IRS1: variants seen among roughly 807,000 people sequenced by gnomAD.
IRS1 encodes insulin receptor substrate 1.
A neutral mutation model predicts 65.6 loss-of-function variants in IRS1; 34 were observed. The observed-to-expected ratio is 0.52, with a 90% confidence interval of 0.39 to 0.69. IRS1 has a LOEUF of 0.69. Among genes scored for constraint, IRS1 ranks in the 30% least tolerant of loss-of-function variants. The pLI is 0.00. For synonymous variants in IRS1, 699 were observed against 683.5 expected, an observed-to-expected ratio of 1.02 and a Z score of -0.35; for missense variants, 1,641 against 1,720.2, an observed-to-expected ratio of 0.95 and a Z score of 0.81.
At chr2:226,773,878 A>G (rs1009814101) in intron 1 of IRS1, among the ~76,000 whole-genome samples, 5 of 152,206 alleles carry the variant, frequency 3.3e-5, no homozygotes, top group African/African-American at 1.2e-4. Flanking sequence ...AAGGTTCAAA[A>G]GTACTTGTTG....
chr2:226,798,063 C>T lies in IRS1; in HGVS notation c.676G>A (p.Gly226Ser). The T allele has an allele frequency of 6.2e-7, 1 of 1,614,070 alleles. No individual in the cohort carries two copies. Among genetic ancestry groups the T allele is most frequent in the South Asian group, 1.1e-5 (1 of 91,078 alleles). The change falls in exon 1 of 2, where the codon GGC becomes AGC. Residue 226 changes from glycine to serine, a missense_variant. Physicochemically the swap from Gly to Ser is moderately conservative, Grantham distance 56. Around this residue, in one of 3 missense-constraint regions of IRS1, gnomAD observed 77 missense variants for 129.6 expected, o/e 0.59. Coordinates refer to ENST00000305123, the MANE Select transcript of IRS1 (RefSeq NM_005544.3). The surrounding 1 kb of genome is among the most constrained non-coding windows in gnomAD (Gnocchi z 9.4). ...HSENFFFIEVGRSAVTGPGEF... is the reference protein window; with the variant it reads ...HSENFFFIEVSRSAVTGPGEF... ...CCGGGCCCCGTCACGGCAGAACGGC[C>T]CACCTCGATGAAGAAGAAGTTTTCC...
intron 1 of IRS1, among the ~76,000 whole-genome samples, chr2:226,781,511 A>G (rs1939381424): frequency 6.6e-6 from 1 of 152,150 alleles, no homozygotes; most frequent in South Asian, 2.1e-4. Context: ...ATTGGGTGGT[A>G]TGGGTTTTTG....
At chr2:226,741,718 T>C (rs527247627) in intron 1 of IRS1, among the ~76,000 whole-genome samples, 1 of 151,870 alleles carries the variant, frequency 6.6e-6, no homozygotes, top group South Asian at 2.1e-4. Context: ...TCTTCTAGAA[T>C]GCTTATTAAT....
chr2:226,798,761 C>T lies in IRS1; in HGVS notation c.-23G>A, dbSNP rs1176948741. The stretch of plus-strand genomic sequence containing the variant: ...CATGCTGCCACCGCCACCACCAACG[C>T]TGAGCAGAGGGAGGCTCCGAAAAAC... On this transcript the variant is annotated 5_prime_UTR_variant, in exon 1 of 2. Coordinates refer to ENST00000305123, the MANE Select transcript of IRS1 (RefSeq NM_005544.3). The surrounding 1 kb of genome is among the most constrained non-coding windows in gnomAD (Gnocchi z 9.4). The T allele has an allele frequency of 1.9e-6, 3 of 1,604,174 alleles. No individual in the cohort carries two copies. The highest frequency in any genetic ancestry group is 1.1e-5 in the South Asian group (1 of 90,346).
intron 1 of IRS1, among the ~76,000 whole-genome samples, chr2:226,788,119 G>A (rs1321638591): frequency 3.3e-5 from 5 of 152,070 alleles, no homozygotes; most frequent in Admixed American, 6.6e-5. Flanking sequence ...TGTCAGGGAG[G>A]ATCAGAGAAC....
chr2:226,741,545 A>G (rs912128135), intron 1 of IRS1, among the ~76,000 whole-genome samples: 17 of 152,104 alleles, frequency 1.1e-4, no homozygotes, highest in African/African-American at 4.1e-4. Context: ...GATTCTGACA[A>G]TGATGCCTGT....
intron 1 of IRS1, among the ~76,000 whole-genome samples, chr2:226,793,324 A>G (rs950395319): frequency 3.9e-5 from 6 of 152,322 alleles, no homozygotes; most frequent in Non-Finnish European, 7.3e-5. Context: ...TATTTTACCA[A>G]TGAGGCACTT....
At chr2:226,754,055 C>T (rs544295721) in intron 1 of IRS1, among the ~76,000 whole-genome samples, 57 of 152,232 alleles carry the variant, frequency 3.7e-4, no homozygotes, top group South Asian at 3.7e-3. Flanking sequence ...GGTCTCAGCA[C>T]GTTGGCTAGG....
chr2:226,744,824 A>G (rs1321534954), intron 1 of IRS1, among the ~76,000 whole-genome samples: 1 of 152,176 alleles, frequency 6.6e-6, no homozygotes, highest in Non-Finnish European at 1.5e-5. Flanking sequence ...GGAAGCCATC[A>G]TCTTACAGAA....
At chr2:226,773,384 G>T (rs1939199768) in intron 1 of IRS1, among the ~76,000 whole-genome samples, 1 of 152,078 alleles carries the variant, frequency 6.6e-6, no homozygotes, top group African/African-American at 2.4e-5. Context: ...AAGGGAAGGT[G>T]TTTGAAATAT....
intron 1 of IRS1, among the ~76,000 whole-genome samples, chr2:226,751,910 A>G (rs1938692810): frequency 6.6e-6 from 1 of 152,150 alleles, no homozygotes; most frequent in African/African-American, 2.4e-5. Context: ...TCCCAACTCC[A>G]CATCTTTATT....
intron 1 of IRS1, among the ~76,000 whole-genome samples, chr2:226,788,749 A>C (rs1336041564): frequency 6.6e-6 from 1 of 152,222 alleles, no homozygotes; most frequent in Non-Finnish European, 1.5e-5. Flanking sequence ...GTTTGAAATT[A>C]GTATGCAATT....
At chr2:226,749,844 A>T (rs1311407194) in intron 1 of IRS1, among the ~76,000 whole-genome samples, 1 of 152,200 alleles carries the variant, frequency 6.6e-6, no homozygotes, top group Non-Finnish European at 1.5e-5. Flanking sequence ...CTACCACGTG[A>T]CCAAGTCACC....
chr2:226,764,066 A>G (rs540077719), intron 1 of IRS1, among the ~76,000 whole-genome samples: 1 of 150,236 alleles, frequency 6.7e-6, no homozygotes, highest in Non-Finnish European at 1.5e-5. Flanking sequence ...ATCATGGATA[A>G]ACTTCAGCAG....
At position 226,734,632 on chromosome 2, in the gene IRS1, T is replaced by A. The variant is rs1212500983; in HGVS notation, c.*1640A>T. On this transcript the variant is annotated 3_prime_UTR_variant, in exon 2 of 2. Transcript: ENST00000305123. ...ATGTTGCTCCTCCCAATAGTAGGGATGCGAATTCCTGATAGAGAGATAGAG... is the reference window on the plus strand; with the variant it reads ...ATGTTGCTCCTCCCAATAGTAGGGAAGCGAATTCCTGATAGAGAGATAGAG... 6.6e-6 allele frequency: 1 copy of A among 152,190 alleles called. No individual in the cohort carries two copies. The highest frequency in any genetic ancestry group is 1.5e-5 in the Non-Finnish European group (1 of 68,036). 9.4% of individuals were successfully genotyped at this position (152,190 alleles called of 1,614,324 possible). A position where few individuals can be genotyped will look rare whatever the true frequency, so the allele number is the denominator to read the frequency against.
intron 1 of IRS1, among the ~76,000 whole-genome samples, chr2:226,759,094 G>C (rs1437759893): frequency 2.0e-5 from 3 of 152,194 alleles, no homozygotes; most frequent in African/African-American, 7.2e-5. Flanking sequence ...AACTGCCTGT[G>C]TCCGGGGCTG....
At position 226,734,563 on chromosome 2, in the gene IRS1, G is replaced by C. The variant is rs1054452695; in HGVS notation, c.*1709C>G. The C allele has an allele frequency of 6.6e-6, 1 of 152,140 alleles. No homozygotes were observed. Among genetic ancestry groups the C allele is most frequent in the African/African-American group, 2.4e-5 (1 of 41,416 alleles). The allele number at this position is 152,140 out of a possible 1,614,324, so 9.4% of individuals were successfully genotyped here. A position where few individuals can be genotyped will look rare whatever the true frequency, so the allele number is the denominator to read the frequency against. The stretch of plus-strand genomic sequence containing the variant: ...CTCCAACCCTGGCCCCTACCTTGTA[G>C]TCCCCACTCCCACCCAGGGAGCTTA... On this transcript the variant is annotated 3_prime_UTR_variant, in exon 2 of 2. Coordinates refer to ENST00000305123, the MANE Select transcript of IRS1 (RefSeq NM_005544.3).
chr2:226,791,670 G>A (rs1338329424), intron 1 of IRS1, among the ~76,000 whole-genome samples: 1 of 151,954 alleles, frequency 6.6e-6, no homozygotes, highest in Non-Finnish European at 1.5e-5. Flanking sequence ...GACCCGCGGA[G>A]AGCCCCGCCC....
rs79966905 is a variant in IRS1, at chr2:226,797,299, G to C, written c.1440C>G (p.Asn480Lys). Residue 480 changes from asparagine to lysine, a missense_variant, in exon 1 of 2, where the codon AAC (asparagine) becomes AAG (lysine). Physicochemically the swap from Asn to Lys is moderately conservative, Grantham distance 94. Transcript: ENST00000305123. This position sits in a 1 kb window ranked among gnomAD's most constrained non-coding sequence, Gnocchi z 8.1. ...CACCCCGAGACAAAATGTAGTGACC[G>C]TTGGGGGCGGTCAGGGTGGAGGGCC... is the stretch of plus-strand genomic sequence containing the variant. ...GKGPSTLTAP[N>K]GHYILSRGGN... The C allele has an allele frequency of 3.1e-6, 5 of 1,613,546 alleles. No individual in the cohort carries two copies. The East Asian group carries it at 1.1e-4, about 36-fold the overall frequency.
Sources: allele counts gnomAD v4.1 joint callset (sites outside exome capture counted in the v4.1 genomes callset), GRCh38; gene constraint gnomAD v4.1.1; regional missense constraint gnomAD v4.1.1; non-coding constraint Gnocchi (gnomAD v3.1); transcripts MANE v1.5; gene names NCBI Gene and HGNC (gene_info 2026-07-23, HGNC 2026-07-21).